The following NBEAL1 variants were observed in gnomAD, a reference collection of about 807,000 sequenced individuals.
The protein encoded by NBEAL1 is neurobeachin-like protein 1.
A neutral mutation model predicts 351.3 loss-of-function variants in NBEAL1; 273 were observed. The ratio of observed to expected loss-of-function variants is 0.78; its 90% CI spans 0.70 to 0.86. The LOEUF is 0.86. NBEAL1 is among the 40% of genes least tolerant of loss of function. The pLI, the probability that NBEAL1 is intolerant of heterozygous loss-of-function variation, is 0.00. For synonymous variants in NBEAL1, 1,050 were observed against 1,086.4 expected, an observed-to-expected ratio of 0.97 and a Z score of 0.66; for missense variants, 2,961 against 3,201.3, an observed-to-expected ratio of 0.92 and a Z score of 1.81.
At chr2:203,087,014 C>T (rs1214659610) in intron 10 of NBEAL1, among the ~76,000 whole-genome samples, 3 of 151,792 alleles carry the variant, frequency 2.0e-5, no homozygotes, top group African/African-American at 4.8e-5. Flanking sequence ...TTTATTCTCA[C>T]TGTCATTGCT....
intron 8 of NBEAL1, among the ~76,000 whole-genome samples, chr2:203,079,862 G>A (rs1003307757): frequency 3.3e-5 from 5 of 152,096 alleles, no homozygotes; most frequent in African/African-American, 1.2e-4. Flanking sequence ...GAGTTCAAGA[G>A]CCTTTTTATA....
chr2:203,152,632 T>C (rs2063687977), intron 35 of NBEAL1, among the ~76,000 whole-genome samples: 1 of 151,666 alleles, frequency 6.6e-6, no homozygotes, highest in African/African-American at 2.4e-5. Flanking sequence ...TCAAAACAGA[T>C]CTTAACGGGT....
At position 203,126,900 on chromosome 2, in the gene NBEAL1, C is replaced by T; in HGVS notation, c.3222C>T (p.Leu1074=). ...GAAAGAAGTATGGTGTGCAGTTTCT[C>T]CTAGATACACTTAGGATTTATTATG... ...VFRKKYGVQF[L]LDTLRIYYGN... is the part of the protein sequence containing the mutation. Residue 1074 remains leucine, a synonymous_variant, in exon 23 of 56, where the codon CTC becomes CTT. Coordinates refer to ENST00000683969, the MANE Select transcript of NBEAL1 (RefSeq NM_001378026.1). 1 of 1,551,238 alleles carries T rather than the reference C, an allele frequency of 6.4e-7. No homozygotes were observed. The highest frequency in any genetic ancestry group is 1.2e-5 in the South Asian group (1 of 84,070).
At chr2:203,192,878 G>T (rs16839606) in intron 46 of NBEAL1, among the ~76,000 whole-genome samples, 89,171 of 150,828 alleles carry the variant, frequency 0.59, 27,444 homozygotes, top group Middle Eastern at 0.78. Flanking sequence ...TGACATGAAA[G>T]TTGAGGAAGA....
chr2:203,051,356 A>G (rs534854678), intron 4 of NBEAL1, among the ~76,000 whole-genome samples: 4 of 152,226 alleles, frequency 2.6e-5, no homozygotes, highest in Admixed American at 2.0e-4. Flanking sequence ...CAGCTTGGCC[A>G]ACATGGTGAA....
rs1335033864 is a variant in NBEAL1 at position 203,167,171 on chromosome 2, C to T, written c.5864-56C>T. On this transcript the variant is annotated intron_variant, in intron 37 of 55. Coordinates refer to ENST00000683969, the MANE Select transcript of NBEAL1 (RefSeq NM_001378026.1). ...GTCAAGAACTAAGAGGTATTTTCTA[C>T]TTAGCATGAGTAACTTTATATGGTA... The T allele has an allele frequency of 3.3e-6, 5 of 1,516,432 alleles. No individual in the cohort carries two copies. In the African/African-American group the frequency reaches 7.0e-5, roughly 21 times the overall value. The allele number at this position is 1,516,432 out of a possible 1,614,324, so 93.9% of individuals were successfully genotyped here.
At chr2:203,156,478 C>T (rs563049529) in intron 35 of NBEAL1, among the ~76,000 whole-genome samples, 1 of 152,324 alleles carries the variant, frequency 6.6e-6, no homozygotes, top group Admixed American at 6.5e-5. Flanking sequence ...TATCAGACTA[C>T]CTAGGCTTCC....
intron 35 of NBEAL1, among the ~76,000 whole-genome samples, chr2:203,153,603 A>G (rs751904283): frequency 1.6e-4 from 24 of 152,202 alleles, no homozygotes; most frequent in Admixed American, 6.5e-5. Flanking sequence ...GGCCCTGTCC[A>G]TGATATAAAC....
At chr2:203,032,729 ATCTT>A (rs1265474084) in intron 2 of NBEAL1, among the ~76,000 whole-genome samples, 8 of 118,528 alleles carry the variant, frequency 6.7e-5, no homozygotes, top group African/African-American at 2.3e-4. Flanking sequence ...CAATGGTGCC[ATCTT>A]GGCTCACTGC....
rs781085255 is a variant in NBEAL1, at chr2:203,068,380, T to C, written c.516-13T>C. 5 of 1,454,226 alleles carry C rather than the reference T, an allele frequency of 3.4e-6. No individual in the cohort carries two copies. In the African/African-American group the frequency reaches 5.7e-5, roughly 16 times the overall value. The allele number at this position is 1,454,226 out of a possible 1,614,324, so 90.1% of individuals were successfully genotyped here. ...CATGTTGTAACTTATTATTAACTTC[T>C]TTTTAATGATAGACGAATCCTTAGT... On this transcript the variant is annotated splice_polypyrimidine_tract_variant and intron_variant, in intron 6 of 55. Coordinates refer to ENST00000683969, the MANE Select transcript of NBEAL1 (RefSeq NM_001378026.1).
At chr2:203,179,862 C>T (rs962246110) in intron 42 of NBEAL1, among the ~76,000 whole-genome samples, 2 of 152,108 alleles carry the variant, frequency 1.3e-5, no homozygotes, top group Admixed American at 6.6e-5. Context: ...GAATCTCTGC[C>T]TCCCGGGCTC....
intron 14 of NBEAL1, among the ~76,000 whole-genome samples, chr2:203,109,428 T>C (rs2062511533): frequency 6.6e-6 from 1 of 152,234 alleles, no homozygotes; most frequent in African/African-American, 2.4e-5. Context: ...GCTATAAATA[T>C]ATATAAATAT....
At chr2:203,175,436 C>T in intron 42 of NBEAL1, 149 bp downstream of exon 42, 2 of 743,546 alleles carry the variant, frequency 2.7e-6, no homozygotes, top group Admixed American at 3.3e-5. Flanking sequence ...GAGAATGAGT[C>T]ACTCAAACTG....
chr2:203,025,691 C>G (rs901637337), intron 2 of NBEAL1, among the ~76,000 whole-genome samples: 9 of 152,046 alleles, frequency 5.9e-5, no homozygotes, highest in Non-Finnish European at 1.2e-4. Flanking sequence ...ATATATAGAT[C>G]CAATTGTGGT....
At position 203,224,804 on chromosome 2, in the gene NBEAL1, C is replaced by T. The variant is rs2065991227; in HGVS notation, c.*7450C>T. Reference sequence around the variant, plus strand: ...CTGTGACTCAGTGGATATTTGTATGCCCCCCAAAAACATTTTAAAGCTGAG... The same window carrying T: ...CTGTGACTCAGTGGATATTTGTATGTCCCCCAAAAACATTTTAAAGCTGAG... On this transcript the variant is annotated 3_prime_UTR_variant, in exon 56 of 56. Transcript: ENST00000683969. Among the ~76,000 whole-genome samples the T allele has an allele frequency of 6.6e-6, 1 of 151,940 alleles. No homozygotes were observed. The highest frequency in any genetic ancestry group is 1.5e-5 in the Non-Finnish European group (1 of 67,948).
Position 203,083,203 on chromosome 2 carries a change from G to A in NBEAL1, c.685-16G>A, listed in dbSNP as rs1574945162. The stretch of plus-strand genomic sequence containing the variant: ...ATTAGGTTTAGGTTTCATTTTTATT[G>A]TCTCTAATGTTTCAGAGGAATGCTT... On this transcript the variant is annotated splice_polypyrimidine_tract_variant and intron_variant, in intron 8 of 55. Transcript: ENST00000683969. 1 of 1,537,624 alleles carries A rather than the reference G, an allele frequency of 6.5e-7. No homozygotes were observed. Among genetic ancestry groups the A allele is most frequent in the Non-Finnish European group, 8.8e-7 (1 of 1,140,078 alleles).
rs1249684906 is a variant in NBEAL1, at chr2:203,107,454, T to C, written c.1304T>C (p.Met435Thr). The C allele has an allele frequency of 1.3e-6, 2 of 1,550,588 alleles. No individual in the cohort carries two copies. The highest frequency in any genetic ancestry group is 1.7e-6 in the Non-Finnish European group (2 of 1,145,666). ...VFKERIGYTH[M>T]LEVLKSLGQP... ...AAAGAAAGAATTGGTTATACACATA[T>C]GCTTGAAGTATTAAAATCCCTGGGT... The change falls in exon 13 of 56, where the codon ATG becomes ACG. Residue 435 changes from methionine (M) to threonine (T), a missense_variant. Met to Thr is a moderately conservative substitution (Grantham distance 81). Coordinates refer to ENST00000683969, the MANE Select transcript of NBEAL1 (RefSeq NM_001378026.1).
intron 8 of NBEAL1, among the ~76,000 whole-genome samples, chr2:203,080,488 T>G (rs539361686): frequency 2.0e-3 from 308 of 152,314 alleles, no homozygotes; most frequent in Non-Finnish European, 3.6e-3. Flanking sequence ...TTGTTTTCTC[T>G]CTGTATGTTT....
At chr2:203,172,436 G>A (rs1341505449) in intron 40 of NBEAL1, among the ~76,000 whole-genome samples, 4 of 151,976 alleles carry the variant, frequency 2.6e-5, no homozygotes, top group African/African-American at 4.8e-5. Flanking sequence ...CAGGAGAATC[G>A]CTTGAACTCA....
Sources: gnomAD v4.1 joint callset for allele counts (sites outside exome capture counted in the v4.1 genomes callset) on GRCh38, gnomAD v4.1.1 for gene constraint, MANE v1.5 for transcripts, NCBI Gene and HGNC (gene_info 2026-07-23, HGNC 2026-07-21) for gene names.